ASIC2: variants seen among roughly 807,000 people sequenced by gnomAD.
ASIC2 encodes the protein acid sensing ion channel subunit 2.
A neutral mutation model predicts 57.3 loss-of-function variants in ASIC2; 25 were observed. The ratio of observed to expected loss-of-function variants is 0.44; its 90% CI spans 0.32 to 0.61. The LOEUF is 0.61. ASIC2 is among the 20% of genes least tolerant of loss of function. The pLI, the probability that ASIC2 is intolerant of heterozygous loss-of-function variation, is 0.06. For missense variants in ASIC2, 641 were observed against 738.1 expected, an observed-to-expected ratio of 0.87 and a Z score of 1.52; for synonymous variants, 319 against 307.5, an observed-to-expected ratio of 1.04 and a Z score of -0.39.
At chr17:33,791,481 C>G (rs576268410) in intron 1 of ASIC2, among the ~76,000 whole-genome samples, 1 of 152,104 alleles carries the variant, frequency 6.6e-6, no homozygotes, top group Non-Finnish European at 1.5e-5. Context: ...CAAGGTCTGC[C>G]CTCCAAAAAA....
chr17:33,515,269 A>G (rs1015079815), intron 1 of ASIC2, among the ~76,000 whole-genome samples: 2 of 152,066 alleles, frequency 1.3e-5, no homozygotes, highest in African/African-American at 4.8e-5. Flanking sequence ...ACATACCCAT[A>G]CACTCCAGCC....
At chr17:33,435,887 A>G (rs184515010) in intron 1 of ASIC2, among the ~76,000 whole-genome samples, 1 of 152,360 alleles carries the variant, frequency 6.6e-6, no homozygotes, top group Non-Finnish European at 1.5e-5. Flanking sequence ...CCAGCAGCCC[A>G]TTTGCGGGAA....
intron 1 of ASIC2, among the ~76,000 whole-genome samples, chr17:33,369,481 C>T (rs1387818664): frequency 1.3e-5 from 2 of 152,170 alleles, no homozygotes; most frequent in Admixed American, 6.5e-5. Context: ...GGAATAATTC[C>T]AGCCTGCCTT....
chr17:33,053,591 G>A (rs867705921), intron 3 of ASIC2, among the ~76,000 whole-genome samples: 2 of 152,158 alleles, frequency 1.3e-5, no homozygotes, highest in South Asian at 4.2e-4. Context: ...ACTGGCCTTT[G>A]TCTCGTGTAT....
chr17:33,279,942 C>T (rs1489518943), intron 1 of ASIC2, among the ~76,000 whole-genome samples: 3 of 152,286 alleles, frequency 2.0e-5, no homozygotes, highest in African/African-American at 4.8e-5. Context: ...TAGTAGCCTT[C>T]CTTTATCCCT....
In ASIC2 at chr17:33,629,030, G is replaced by A. The variant is rs114200519; in HGVS notation, c.556-516963C>T. On this transcript the variant is annotated intron_variant, in intron 1 of 9. Transcript: ENST00000359872. ...CAGCTTTGGGTGAGGGCTGACCTCC[G>A]AGGAGTCACAGCTGCCTTCATCCAG... Among the ~76,000 whole-genome samples the A allele has an allele frequency of 6.4e-3, 975 of 152,260 alleles. 7 individuals are homozygous for A. Among genetic ancestry groups the A allele is most frequent in the Non-Finnish European group, 9.7e-3 (663 of 68,018 alleles).
intron 1 of ASIC2, among the ~76,000 whole-genome samples, chr17:33,907,858 C>T (rs1915383154): frequency 1.3e-5 from 2 of 152,174 alleles, no homozygotes; most frequent in Non-Finnish European, 2.9e-5. Context: ...TCTCATTCTG[C>T]TCAATTCAAC....
chr17:34,002,425 C>T (rs1906376951), intron 1 of ASIC2: 1 of 152,208 alleles, frequency 6.6e-6, no homozygotes, highest in Non-Finnish European at 1.5e-5. Context: ...TTTTTCCCAA[C>T]ATTTAAGAAC....
chr17:33,894,323 A>G, intron 1 of ASIC2, among the ~76,000 whole-genome samples: 1 of 146,858 alleles, frequency 6.8e-6, no homozygotes, highest in African/African-American at 2.5e-5. Context: ...GAATGAGAGA[A>G]GCTCTGCGTG....
chr17:33,426,904 G>A (rs1417614396), intron 1 of ASIC2, among the ~76,000 whole-genome samples: 1 of 152,220 alleles, frequency 6.6e-6, no homozygotes, highest in East Asian at 1.9e-4. Flanking sequence ...GGGAATAAGG[G>A]AAGACCTCTT....
intron 1 of ASIC2, among the ~76,000 whole-genome samples, chr17:33,340,062 G>T (rs1031414951): frequency 5.9e-5 from 9 of 152,158 alleles, no homozygotes; most frequent in Admixed American, 3.9e-4. Context: ...TTTCTAGAAA[G>T]GTTAATATTA....
chr17:33,386,669 G>A (rs901950487), intron 1 of ASIC2, among the ~76,000 whole-genome samples: 1 of 152,010 alleles, frequency 6.6e-6, no homozygotes, highest in African/African-American at 2.4e-5. Context: ...GGTCACATAC[G>A]CCCCTGCTCT....
chr17:33,058,905 G>A (rs1214868640), intron 3 of ASIC2, among the ~76,000 whole-genome samples: 3 of 152,142 alleles, frequency 2.0e-5, no homozygotes, highest in Non-Finnish European at 2.9e-5. Context: ...ACAATAGAGA[G>A]ATGATAAGTA....
In ASIC2 at chr17:33,799,358, C is replaced by CTT. The variant is rs778458223; in HGVS notation, c.555+356618_555+356619dup. Among the ~76,000 whole-genome samples, 203 of 129,954 alleles carry CTT rather than the reference C, an allele frequency of 1.6e-3. 2 individuals carry two copies. The highest frequency in any genetic ancestry group is 7.8e-3 in the Middle Eastern group (2 of 256). 85.3% of individuals were successfully genotyped at this position (129,954 alleles called of 152,430 possible). On this transcript the variant is annotated intron_variant, in intron 1 of 9. Transcript: ENST00000359872. ...CTCTCTGTTTCCTCTCTTTCTCTTT[C>CTT]TTTCTTTCTTTCTTTCTTCCTTTCT...
chr17:33,757,787 A>C (rs1321457323), intron 1 of ASIC2, among the ~76,000 whole-genome samples: 1 of 152,166 alleles, frequency 6.6e-6, no homozygotes, highest in East Asian at 1.9e-4. Context: ...TTTTAGCCCC[A>C]AGAAACATCC....
At chr17:33,595,037 T>C (rs1904940197) in intron 1 of ASIC2, among the ~76,000 whole-genome samples, 1 of 151,852 alleles carries the variant, frequency 6.6e-6, no homozygotes, top group Admixed American at 6.6e-5. Flanking sequence ...CTGGGAAACA[T>C]AGCGAGACGT....
intron 1 of ASIC2, among the ~76,000 whole-genome samples, chr17:33,968,614 C>T (rs57640529): frequency 0.26 from 39,442 of 152,122 alleles, 5,240 homozygotes; most frequent in Middle Eastern, 0.31. Flanking sequence ...ATCTCTGACC[C>T]TTCCAGGGAG....
intron 1 of ASIC2, among the ~76,000 whole-genome samples, chr17:33,798,374 C>T (rs1424326815): frequency 6.6e-6 from 1 of 152,098 alleles, no homozygotes; most frequent in Non-Finnish European, 1.5e-5. Flanking sequence ...CCACTGATTC[C>T]CCAAAGTGAG....
At chr17:33,584,244 A>G (rs1904539802) in intron 1 of ASIC2, among the ~76,000 whole-genome samples, 1 of 152,170 alleles carries the variant, frequency 6.6e-6, no homozygotes, top group South Asian at 2.1e-4. Context: ...AGGGATCGCC[A>G]TCTTTAGTTC....
Sources: allele counts gnomAD v4.1 joint callset (sites outside exome capture counted in the v4.1 genomes callset), GRCh38; gene constraint gnomAD v4.1.1; transcripts MANE v1.5; gene names NCBI Gene and HGNC (gene_info 2026-07-23, HGNC 2026-07-21).